The following SLC2A13 variants were observed in gnomAD, a reference collection of about 807,000 sequenced individuals.
The protein encoded by SLC2A13 is proton myo-inositol cotransporter.
SLC2A13 carries 32 observed loss-of-function variants against 64.4 expected under a neutral mutation model. That is an observed-to-expected ratio of 0.50 (90% confidence interval 0.37 to 0.67). The LOEUF is 0.67. Ranked by LOEUF, SLC2A13 falls within the 30% of genes least tolerant of loss-of-function variation. The pLI, the probability that SLC2A13 is intolerant of heterozygous loss-of-function variation, is 0.00. For missense variants in SLC2A13, 743 were observed against 829.2 expected, an observed-to-expected ratio of 0.90 and a Z score of 1.28; for synonymous variants, 338 against 327.1, an observed-to-expected ratio of 1.03 and a Z score of -0.36.
chr12:39,969,891 A>T (rs1285687145), intron 3 of SLC2A13, among the ~76,000 whole-genome samples: 4 of 151,956 alleles, frequency 2.6e-5, no homozygotes, highest in African/African-American at 4.8e-5. Flanking sequence ...ATGTCCTGAA[A>T]GGTATTGCCT....
At chr12:39,767,185 C>A (rs1940386438) in intron 7 of SLC2A13, among the ~76,000 whole-genome samples, 1 of 152,036 alleles carries the variant, frequency 6.6e-6, no homozygotes, top group African/African-American at 2.4e-5. Context: ...GATCCATGGG[C>A]TGCAGAATGG....
chr12:39,938,151 G>T (rs1031822920), intron 4 of SLC2A13, among the ~76,000 whole-genome samples: 6 of 152,126 alleles, frequency 3.9e-5, no homozygotes, highest in African/African-American at 1.4e-4. Flanking sequence ...CAGAAGGAAA[G>T]TGAACACAGA....
intron 4 of SLC2A13, among the ~76,000 whole-genome samples, chr12:39,914,700 T>C (rs1465071488): frequency 6.6e-6 from 1 of 151,936 alleles, no homozygotes; most frequent in Non-Finnish European, 1.5e-5. Flanking sequence ...ATACATTTGG[T>C]ATATCAAACC....
chr12:39,773,158 T>C (rs574084401), intron 7 of SLC2A13, among the ~76,000 whole-genome samples: 3 of 152,310 alleles, frequency 2.0e-5, no homozygotes, highest in Non-Finnish European at 2.9e-5. Flanking sequence ...GAAAAAGTCA[T>C]GCTCTTGGAT....
chr12:40,100,969 C>CAAAAAAAAAAAAA (rs10633826), intron 1 of SLC2A13, among the ~76,000 whole-genome samples: 1 of 84,688 alleles, frequency 1.2e-5, no homozygotes, highest in African/African-American at 4.9e-5. Flanking sequence ...CCATCTCAGA[C>CAAAAAAAAAAAAA]AAAAAAAAAA....
At chr12:39,977,316 G>A (rs976731486) in intron 3 of SLC2A13, among the ~76,000 whole-genome samples, 1 of 152,272 alleles carries the variant, frequency 6.6e-6, no homozygotes, top group South Asian at 2.1e-4. Flanking sequence ...ACCCCTCAAA[G>A]TTTCTAATGT....
chr12:39,773,620 A>G (rs1165481594), intron 7 of SLC2A13, among the ~76,000 whole-genome samples: 1 of 152,250 alleles, frequency 6.6e-6, no homozygotes, highest in Admixed American at 6.5e-5. Flanking sequence ...CTTGCTAGTT[A>G]GCCATAAGTA....
intron 6 of SLC2A13, chr12:39,835,605 T>A (rs1309072701): frequency 6.6e-6 from 1 of 152,136 alleles, no homozygotes; most frequent in Non-Finnish European, 1.5e-5. Context: ...ATGGCCCTCA[T>A]TGTAACATAC....
chr12:39,764,608 C>A lies in SLC2A13; in HGVS notation c.1572G>T (p.Met524Ile). 1 of 1,588,018 alleles carries A rather than the reference C, an allele frequency of 6.3e-7. No individual in the cohort carries two copies. The highest frequency in any genetic ancestry group is 8.5e-7 in the Non-Finnish European group (1 of 1,172,282). ...ILYLVFFAPGMGPMPWTVNSE... is the reference protein window; with the variant it reads ...ILYLVFFAPGIGPMPWTVNSE... ...AATTCACAGTCCAAGGCATTGGTCC[C>A]ATTCCTGAGAAATAAAACATTAAAA... Residue 524 changes from methionine (M) to isoleucine (I), a missense_variant, in exon 9 of 10, where the codon ATG (methionine) becomes ATT (isoleucine). Coordinates refer to ENST00000280871, the MANE Select transcript of SLC2A13 (RefSeq NM_052885.4).
intron 1 of SLC2A13, among the ~76,000 whole-genome samples, chr12:40,061,732 C>G (rs577344043): frequency 6.6e-6 from 1 of 151,962 alleles, no homozygotes; most frequent in Non-Finnish European, 1.5e-5. Context: ...ACTGTACTTT[C>G]CAAATTGACA....
chr12:39,976,157 A>G (rs1025489596), intron 3 of SLC2A13, among the ~76,000 whole-genome samples: 3 of 152,210 alleles, frequency 2.0e-5, no homozygotes, highest in African/African-American at 7.2e-5. Flanking sequence ...TGACAGCATT[A>G]CAGCAAGTTC....
chr12:40,083,715 G>GTTCA (rs1242817652), intron 1 of SLC2A13, among the ~76,000 whole-genome samples: 1 of 152,172 alleles, frequency 6.6e-6, no homozygotes, highest in Non-Finnish European at 1.5e-5. Flanking sequence ...TGCCATTGGT[G>GTTCA]TTCAATGAGC....
chr12:39,862,932 G>T (rs898607002), intron 6 of SLC2A13, among the ~76,000 whole-genome samples: 3 of 152,120 alleles, frequency 2.0e-5, no homozygotes, highest in African/African-American at 4.8e-5. Context: ...TAGAGCAGAG[G>T]ATTATAGATG....
intron 3 of SLC2A13, among the ~76,000 whole-genome samples, chr12:40,009,048 C>A (rs1455261629): frequency 2.0e-5 from 3 of 152,106 alleles, no homozygotes; most frequent in Non-Finnish European, 2.9e-5. Flanking sequence ...AGAAAGCAAA[C>A]AAGTAACTTA....
At chr12:39,788,929 T>C (rs115827025) in intron 7 of SLC2A13, among the ~76,000 whole-genome samples, 1 of 152,112 alleles carries the variant, frequency 6.6e-6, no homozygotes, top group Admixed American at 6.6e-5. Context: ...TCTTTTCTAA[T>C]ACGTATTTAA....
At chr12:39,885,709 T>C (rs1944449917) in intron 4 of SLC2A13, among the ~76,000 whole-genome samples, 1 of 152,166 alleles carries the variant, frequency 6.6e-6, no homozygotes, top group African/African-American at 2.4e-5. Flanking sequence ...GAATAAAACA[T>C]GTCTTCCCTT....
chr12:39,818,676 C>G (rs1459578236), intron 7 of SLC2A13, among the ~76,000 whole-genome samples: 1 of 151,966 alleles, frequency 6.6e-6, no homozygotes, highest in African/African-American at 2.4e-5. Flanking sequence ...TTATAAATAC[C>G]AAGGTTTGGT....
chr12:40,012,474 A>ACT, intron 3 of SLC2A13, among the ~76,000 whole-genome samples: 1 of 152,144 alleles, frequency 6.6e-6, no homozygotes, highest in Admixed American at 6.5e-5. Flanking sequence ...GTTTCCAGAA[A>ACT]GATCAAGGGA....
chr12:40,104,938 TGGTGCTCAGCTA>T (rs1382870319), intron 1 of SLC2A13, among the ~76,000 whole-genome samples: 1 of 152,148 alleles, frequency 6.6e-6, no homozygotes, highest in East Asian at 1.9e-4. Context: ...AGGAAAGAGC[TGGTGCTCAGCTA>T]GGTTTCTGGA....
Sources: allele counts gnomAD v4.1 joint callset (sites outside exome capture counted in the v4.1 genomes callset), GRCh38; gene constraint gnomAD v4.1.1; transcripts MANE v1.5; gene names NCBI Gene and HGNC (gene_info 2026-07-23, HGNC 2026-07-21).